The following FER variants were observed in gnomAD, a reference collection of about 807,000 sequenced individuals.
FER encodes the protein tyrosine-protein kinase Fer.
A neutral mutation model predicts 111.0 loss-of-function variants in FER; 63 were observed. The observed-to-expected ratio is 0.57, with a 90% CI of 0.46 to 0.70. The LOEUF (loss-of-function observed/expected upper bound fraction) is 0.70, where lower values mean the gene tolerates loss of function less well. Ranked by LOEUF, FER falls within the 30% of genes least tolerant of loss-of-function variation. The pLI is 0.00. For synonymous variants in FER, 327 were observed against 313.9 expected, an observed-to-expected ratio of 1.04 and a Z score of -0.44; for missense variants, 914 against 954.0, an observed-to-expected ratio of 0.96 and a Z score of 0.55.
Position 109,157,164 on chromosome 5 carries a change from T to C in FER, c.2049-23583T>C, listed in dbSNP as rs149949048. 3.3e-5 allele frequency among the ~76,000 whole-genome samples: 5 copies of C among 151,992 alleles called. No individual in the cohort carries two copies. In the East Asian group the frequency reaches 9.7e-4, roughly 29 times the overall value. On this transcript the variant is annotated intron_variant, in intron 17 of 19. Coordinates refer to ENST00000281092, the MANE Select transcript of FER (RefSeq NM_005246.4). ...GCCCCTTACTCTCTCCAAAAGTCAA[T>C]CAGAACTGTAGACTTACTATTTCTC... is the stretch of plus-strand genomic sequence containing the variant.
intron 2 of FER, among the ~76,000 whole-genome samples, chr5:108,796,710 A>G (rs1217903353): frequency 6.6e-6 from 1 of 151,972 alleles, no homozygotes; most frequent in Non-Finnish European, 1.5e-5. Context: ...GTGAGGCCCA[A>G]GTTTCCTTCA....
intron 13 of FER, among the ~76,000 whole-genome samples, chr5:108,964,000 T>G (rs1366672599): frequency 1.3e-5 from 2 of 152,226 alleles, no homozygotes; most frequent in Non-Finnish European, 2.9e-5. Flanking sequence ...CATCATTTTA[T>G]GAAATCAGTC....
chr5:109,134,681 A>G (rs929786283), intron 17 of FER, among the ~76,000 whole-genome samples: 3 of 152,178 alleles, frequency 2.0e-5, no homozygotes, highest in Admixed American at 2.0e-4. Flanking sequence ...CACTAAAACC[A>G]CTGAGAAGAG....
intron 3 of FER, chr5:108,820,390 A>T: frequency 1.0e-6 from 1 of 985,458 alleles, no homozygotes; most frequent in African/African-American, 1.7e-5. Flanking sequence ...TCTGAAGAAT[A>T]AAGGTGACTA....
At chr5:108,961,484 AATTG>A (rs142207141) in intron 13 of FER, among the ~76,000 whole-genome samples, 17,563 of 152,152 alleles carry the variant, frequency 0.12, 1,096 homozygotes, top group Middle Eastern at 0.16. Context: ...AACACTTTGG[AATTG>A]ATTATCTCAC....
chr5:109,029,849 T>G (rs1017585446), intron 13 of FER, among the ~76,000 whole-genome samples: 2 of 152,176 alleles, frequency 1.3e-5, no homozygotes, highest in Non-Finnish European at 2.9e-5. Context: ...GCTTCTTGTT[T>G]GTAGATTTGT....
chr5:109,053,382 CAAA>C (rs779550084), intron 16 of FER, among the ~76,000 whole-genome samples: 2 of 80,212 alleles, frequency 2.5e-5, no homozygotes, highest in Non-Finnish European at 2.4e-5. Context: ...GACTCCGTCT[CAAA>C]AAAAAAAAAA....
At chr5:109,179,296 A>G (rs1436096679) in intron 17 of FER, among the ~76,000 whole-genome samples, 2 of 152,218 alleles carry the variant, frequency 1.3e-5, no homozygotes, top group African/African-American at 4.8e-5. Context: ...ATAGAAAAAA[A>G]TTTAGCCTTT....
intron 13 of FER, among the ~76,000 whole-genome samples, chr5:108,971,675 A>G (rs1230976747): frequency 2.0e-5 from 3 of 152,172 alleles, no homozygotes; most frequent in Non-Finnish European, 4.4e-5. Context: ...ACACAGCTTA[A>G]TAAAGAACAT....
At chr5:109,064,920 A>G (rs890686756) in intron 16 of FER, among the ~76,000 whole-genome samples, 1 of 152,162 alleles carries the variant, frequency 6.6e-6, no homozygotes, top group Admixed American at 6.5e-5. Flanking sequence ...CTATACATGG[A>G]AAAGTCTTAA....
At chr5:108,848,254 TAGTTATC>T (rs1762216508) in intron 5 of FER, among the ~76,000 whole-genome samples, 1 of 152,218 alleles carries the variant, frequency 6.6e-6, no homozygotes, top group African/African-American at 2.4e-5. Context: ...AAACAGCATA[TAGTTATC>T]TCTTTTGTTT....
intron 16 of FER, among the ~76,000 whole-genome samples, chr5:109,088,193 T>C (rs1193838710): frequency 6.6e-6 from 1 of 152,028 alleles, no homozygotes. Flanking sequence ...TGATTCTGAA[T>C]TGGTAGGTTC....
intron 9 of FER, among the ~76,000 whole-genome samples, chr5:108,890,916 A>G (rs1447018045): frequency 6.6e-6 from 1 of 152,120 alleles, no homozygotes; most frequent in Non-Finnish European, 1.5e-5. Flanking sequence ...ACTGCCTAGG[A>G]TCACAGTTGC....
intron 16 of FER, among the ~76,000 whole-genome samples, chr5:109,083,341 A>G (rs1450600038): frequency 6.6e-6 from 1 of 152,064 alleles, no homozygotes; most frequent in Non-Finnish European, 1.5e-5. Flanking sequence ...AAAGAAGATT[A>G]AGCATGCAGT....
At chr5:108,841,478 A>C (rs1019465415) in intron 5 of FER, among the ~76,000 whole-genome samples, 10 of 152,004 alleles carry the variant, frequency 6.6e-5, no homozygotes, top group Non-Finnish European at 1.3e-4. Context: ...AATAAATAAT[A>C]CTCTGAGATT....
intron 17 of FER, among the ~76,000 whole-genome samples, chr5:109,179,245 G>C (rs1305495970): frequency 3.9e-5 from 6 of 152,184 alleles, no homozygotes; most frequent in Non-Finnish European, 8.8e-5. Context: ...AGAACCCTTT[G>C]ACTAGAAGTG....
chr5:108,894,113 G>A (rs1238248017), intron 9 of FER, among the ~76,000 whole-genome samples: 1 of 151,982 alleles, frequency 6.6e-6, no homozygotes, highest in African/African-American at 2.4e-5. Context: ...ACAAAGGCAG[G>A]TGCTGGGGAC....
At chr5:108,961,166 A>G (rs1759098680) in intron 13 of FER, among the ~76,000 whole-genome samples, 1 of 152,228 alleles carries the variant, frequency 6.6e-6, no homozygotes, top group Admixed American at 6.5e-5. Flanking sequence ...TATGAATAAA[A>G]TTCAGTGCAG....
At chr5:108,894,548 G>A in intron 9 of FER, 1 of 405,178 alleles carries the variant, frequency 2.5e-6, no homozygotes. Flanking sequence ...CAGAATGGAG[G>A]GTTCCACAGA....
Sources: gnomAD v4.1 joint callset for allele counts (sites outside exome capture counted in the v4.1 genomes callset) on GRCh38, gnomAD v4.1.1 for gene constraint, MANE v1.5 for transcripts, NCBI Gene and HGNC (gene_info 2026-07-23, HGNC 2026-07-21) for gene names.